The following DOCK1 variants were observed in gnomAD, a reference collection of about 807,000 sequenced individuals.
The protein encoded by DOCK1 is dedicator of cytokinesis 1, also known as dedicator of cytokinesis protein 1.
In DOCK1, 138 loss-of-function variants were observed where a neutral mutation model predicts 262.7. The ratio of observed to expected loss-of-function variants is 0.53; its 90% CI spans 0.46 to 0.61. The LOEUF is 0.61. Among genes scored for constraint, DOCK1 ranks in the 20% least tolerant of loss-of-function variants. The pLI is 0.00. For missense variants in DOCK1, 1,908 were observed against 2,370.7 expected (o/e 0.80, Z 4.05); for synonymous variants, 866 against 867.4 (o/e 1.00, Z 0.03).
intron 27 of DOCK1, among the ~76,000 whole-genome samples, chr10:127,216,006 C>A (rs1479578066): frequency 6.6e-6 from 1 of 152,122 alleles, no homozygotes; most frequent in Non-Finnish European, 1.5e-5. Context: ...TGCTGCTTTC[C>A]ATCTGAAACG....
At chr10:127,344,682 C>T (rs989185255) in intron 31 of DOCK1, 1 of 152,184 alleles carries the variant, frequency 6.6e-6, no homozygotes, top group African/African-American at 2.4e-5. Flanking sequence ...AGCACATCAT[C>T]TCTGGAGAGT....
At chr10:126,924,221 A>C (rs905640538) in intron 1 of DOCK1, among the ~76,000 whole-genome samples, 184 of 134,378 alleles carry the variant, frequency 1.4e-3, no homozygotes, top group African/African-American at 4.9e-3. Context: ...AGCAGGGGGA[A>C]CTGAATGCTG....
intron 1 of DOCK1, among the ~76,000 whole-genome samples, chr10:126,939,221 G>A (rs2034808726): frequency 6.6e-6 from 1 of 152,172 alleles, no homozygotes; most frequent in Admixed American, 6.5e-5. Flanking sequence ...TTCCATCCGT[G>A]AAGGTTTCAT....
chr10:126,991,530 T>G (rs1045665500), intron 6 of DOCK1, among the ~76,000 whole-genome samples: 2 of 151,570 alleles, frequency 1.3e-5, no homozygotes, highest in Non-Finnish European at 2.9e-5. Flanking sequence ...TTTTTTTTTG[T>G]TTGTTTGTTT....
intron 27 of DOCK1, among the ~76,000 whole-genome samples, chr10:127,239,102 C>T (rs1461651412): frequency 6.6e-6 from 1 of 152,138 alleles, no homozygotes; most frequent in Non-Finnish European, 1.5e-5. Context: ...CTCGTGGGTT[C>T]CCACAAATTG....
In DOCK1 at chr10:127,061,764, C is replaced by T. The variant is rs539319675; in HGVS notation, c.2433C>T (p.Thr811=). The T allele has an allele frequency of 2.1e-5, 34 of 1,586,622 alleles. No homozygotes were observed. In the South Asian group the frequency reaches 3.1e-4, roughly 15 times the overall value. Residue 811 remains threonine, a synonymous_variant, in exon 23 of 52, where the codon ACC becomes ACT. Coordinates refer to ENST00000623213, the MANE Select transcript of DOCK1 (RefSeq NM_001290223.2). ...TGATGAGCAGCATGTCAGACCAGAC[C>T]GTCCGGGTGAAGGTGAGTGCCGGCC... The part of the protein sequence containing the change: ...NDMMSSMSDQ[T]VRVKGAALKY...
intron 29 of DOCK1, 86 bp from the exon 30 acceptor site, chr10:127,338,920 T>G (rs2063308938): frequency 2.6e-6 from 3 of 1,175,770 alleles, no homozygotes; most frequent in Admixed American, 2.0e-5. Flanking sequence ...CCAGACAGTC[T>G]GGGATTGTAT....
At chr10:126,968,414 T>A (rs185719680) in intron 1 of DOCK1, among the ~76,000 whole-genome samples, 1 of 152,314 alleles carries the variant, frequency 6.6e-6, no homozygotes, top group Admixed American at 6.5e-5. Context: ...CTCTTTTTTT[T>A]CTTACCTACA....
Position 126,997,921 on chromosome 10 carries a change from T to C in DOCK1, c.610-171T>C, listed in dbSNP as rs2040325611. 4 of 801,564 alleles carry C rather than the reference T, an allele frequency of 5.0e-6. No homozygotes were observed. In the South Asian group the frequency reaches 8.1e-5, roughly 16 times the overall value. 49.7% of individuals were successfully genotyped at this position (801,564 alleles called of 1,614,324 possible). A position where few individuals can be genotyped will look rare whatever the true frequency, so the allele number is the denominator to read the frequency against. On this transcript the variant is annotated intron_variant, in intron 7 of 51. Coordinates refer to ENST00000623213, the MANE Select transcript of DOCK1 (RefSeq NM_001290223.2). ...AGGATACAATTTTTTGTCTGTTGTG[T>C]GAATGCATGATTTAAGAATGTGCAG... is the stretch of plus-strand genomic sequence containing the variant.
intron 27 of DOCK1, among the ~76,000 whole-genome samples, chr10:127,184,491 T>G (rs1589826900): frequency 1.3e-5 from 1 of 76,416 alleles, no homozygotes. Context: ...CCCACCCCCG[T>G]CCCCCATCCT....
chr10:127,132,344 G>A (rs1000758656), intron 27 of DOCK1, among the ~76,000 whole-genome samples: 3 of 152,222 alleles, frequency 2.0e-5, no homozygotes, highest in Non-Finnish European at 4.4e-5. Context: ...CTATTTGGCA[G>A]TTGCAGAATT....
chr10:127,233,357 A>G (rs74158636), intron 27 of DOCK1, among the ~76,000 whole-genome samples: 2,590 of 152,342 alleles, frequency 0.017, 77 homozygotes, highest in African/African-American at 0.059. Context: ...TGTCTACATA[A>G]CAGTGGACAT....
chr10:126,926,070 T>C (rs1192503117), intron 1 of DOCK1, among the ~76,000 whole-genome samples: 1 of 151,944 alleles, frequency 6.6e-6, no homozygotes, highest in Non-Finnish European at 1.5e-5. Context: ...TGGGGATAAA[T>C]AGTACTTGCT....
chr10:127,290,225 TA>T (rs1373726156), intron 29 of DOCK1, among the ~76,000 whole-genome samples: 1 of 152,188 alleles, frequency 6.6e-6, no homozygotes, highest in Non-Finnish European at 1.5e-5. Context: ...AGATCATATG[TA>T]AAAGATATAC....
intron 27 of DOCK1, among the ~76,000 whole-genome samples, chr10:127,207,631 G>A (rs2057783683): frequency 6.6e-6 from 1 of 152,176 alleles, no homozygotes; most frequent in African/African-American, 2.4e-5. Context: ...TGAAAGAATA[G>A]CTCATAGCAG....
At chr10:127,345,928 C>G (rs1319807611) in intron 31 of DOCK1, among the ~76,000 whole-genome samples, 2 of 152,216 alleles carry the variant, frequency 1.3e-5, no homozygotes, top group African/African-American at 4.8e-5. Context: ...TAGTGACCAA[C>G]ACACACAAAG....
chr10:127,317,212 A>G (rs965916436), intron 29 of DOCK1, among the ~76,000 whole-genome samples: 24 of 152,156 alleles, frequency 1.6e-4, no homozygotes, highest in Non-Finnish European at 2.9e-5. Context: ...CACACCTTGT[A>G]TTCTTATTTA....
At chr10:127,162,766 T>C (rs982426271) in intron 27 of DOCK1, among the ~76,000 whole-genome samples, 23 of 152,202 alleles carry the variant, frequency 1.5e-4, no homozygotes, top group Non-Finnish European at 2.9e-4. Flanking sequence ...CGAGCCGGCC[T>C]CCCCAGGCCT....
At position 127,012,353 on chromosome 10, in the gene DOCK1, G is replaced by T; in HGVS notation, c.1180G>T (p.Glu394Ter). 6.2e-7 allele frequency: 1 copy of T among 1,614,018 alleles called. No homozygotes were observed. Among genetic ancestry groups the T allele is most frequent in the South Asian group, 1.1e-5 (1 of 91,086 alleles). The part of the protein sequence containing the change: ...TVINKVIAAK[E>*]VNHKGQGLWV... Reference sequence around the variant, plus strand: ...TATAAACAAAGTCATCGCTGCCAAAGAAGTCAACCACAAGGGGCAGGGTAC... The same window carrying T: ...TATAAACAAAGTCATCGCTGCCAAATAAGTCAACCACAAGGGGCAGGGTAC... The change falls in exon 12 of 52, where the codon GAA (glutamate) becomes TAA (stop). Residue 394 changes from glutamate (E) to a stop codon, truncating the protein, a stop_gained. Transcript: ENST00000623213. LOFTEE classifies it high-confidence loss of function. The surrounding 1 kb of genome is among the most constrained non-coding windows in gnomAD (Gnocchi z 4.0).
Sources: allele counts gnomAD v4.1 joint callset (sites outside exome capture counted in the v4.1 genomes callset), GRCh38; gene constraint gnomAD v4.1.1; non-coding constraint Gnocchi (gnomAD v3.1); transcripts MANE v1.5; gene names NCBI Gene and HGNC (gene_info 2026-07-23, HGNC 2026-07-21).